The following SLC71A2 variants were observed in gnomAD, a reference collection of about 807,000 sequenced individuals.
The protein encoded by SLC71A2 is solute carrier family 71 member 2.
the SLC71A2 span, among the ~76,000 whole-genome samples, chr9:94,414,307 G>T: frequency 6.6e-6 from 1 of 152,156 alleles, no homozygotes; most frequent in South Asian, 2.1e-4. Flanking sequence ...GGGTTAACAG[G>T]TCATTGCAGT....
the SLC71A2 span, chr9:94,445,290 C>A: frequency 2.2e-6 from 2 of 903,736 alleles, no homozygotes; most frequent in African/African-American, 1.7e-5. Flanking sequence ...TGACTTATTT[C>A]TTTAGTAAAA....
chr9:94,408,263 C>G, the SLC71A2 span, among the ~76,000 whole-genome samples: 1 of 152,168 alleles, frequency 6.6e-6, no homozygotes, highest in Non-Finnish European at 1.5e-5. Context: ...AAGCGACTTT[C>G]AAGTTAGTAT....
At chr9:94,402,551 G>C in the SLC71A2 span, among the ~76,000 whole-genome samples, 2 of 151,940 alleles carry the variant, frequency 1.3e-5, no homozygotes, top group Non-Finnish European at 2.9e-5. Flanking sequence ...TTTTTTAATT[G>C]GGTTGTTGTA....
At chr9:94,413,597 T>C in the SLC71A2 span, among the ~76,000 whole-genome samples, 1 of 142,084 alleles carries the variant, frequency 7.0e-6, no homozygotes, top group East Asian at 2.0e-4. Flanking sequence ...TCCCAGCACT[T>C]TGCAGTAAGC....
the SLC71A2 span, among the ~76,000 whole-genome samples, chr9:94,378,081 C>A: frequency 1.4e-5 from 2 of 141,348 alleles, no homozygotes; most frequent in African/African-American, 5.7e-5. Flanking sequence ...TCCAGCCTGG[C>A]GACAGACTGC....
the SLC71A2 span, among the ~76,000 whole-genome samples, chr9:94,406,300 C>T: frequency 3.9e-5 from 6 of 152,134 alleles, no homozygotes; most frequent in East Asian, 3.9e-4. Flanking sequence ...GGTGCAGTGG[C>T]GCAATCTCGG....
At chr9:94,458,440 G>A in the SLC71A2 span, 1 of 1,613,968 alleles carries the variant, frequency 6.2e-7, no homozygotes, top group Non-Finnish European at 8.5e-7. Context: ...GCCCGAAATT[G>A]AATTCTAACA....
chr9:94,459,053 A>T, the SLC71A2 span: 1 of 1,177,358 alleles, frequency 8.5e-7, no homozygotes, highest in Non-Finnish European at 1.2e-6. Flanking sequence ...GCTTATGAGA[A>T]TATGATTCAC....
chr9:94,426,427 C>G, the SLC71A2 span, among the ~76,000 whole-genome samples: 1 of 152,296 alleles, frequency 6.6e-6, no homozygotes, highest in South Asian at 2.1e-4. Context: ...TGAACTTCTT[C>G]AAGGTCTTCT....
the SLC71A2 span, among the ~76,000 whole-genome samples, chr9:94,450,492 A>ATTTTTTTTTTTTTTTTTTTTTTTTTTTT: frequency 1.9e-5 from 1 of 52,506 alleles, no homozygotes; most frequent in Non-Finnish European, 3.2e-5. Context: ...AAATAATGTA[A>ATTTTTTTTTTTTTTTTTTTTTTTTTTTT]CTTTTTTTTT....
chr9:94,396,098 C>T, the SLC71A2 span, among the ~76,000 whole-genome samples: 293 of 151,852 alleles, frequency 1.9e-3, 2 homozygotes, highest in African/African-American at 6.5e-3. Context: ...AGTGAAGTAC[C>T]TGCCTCTGCT....
the SLC71A2 span, among the ~76,000 whole-genome samples, chr9:94,391,672 C>T: frequency 7.7e-4 from 115 of 149,244 alleles, no homozygotes; most frequent in African/African-American, 2.5e-3. Context: ...CGGATTGCCT[C>T]TGTTCAGGAG....
At chr9:94,456,400 G>C in the SLC71A2 span, 1 of 1,299,498 alleles carries the variant, frequency 7.7e-7, no homozygotes, top group Non-Finnish European at 1.1e-6. Context: ...CTAGAAGCAG[G>C]AGCAGCTCTG....
chr9:94,393,963 G>T, the SLC71A2 span, among the ~76,000 whole-genome samples: 1 of 108,780 alleles, frequency 9.2e-6, no homozygotes, highest in African/African-American at 3.7e-5. Context: ...ACAAATGTTT[G>T]TTGAGTGAAT....
chr9:94,455,156 C>CTTTTTTTTTTTT, the SLC71A2 span, among the ~76,000 whole-genome samples: 20 of 27,680 alleles, frequency 7.2e-4, 1 homozygote, highest in Non-Finnish European at 9.2e-4. Context: ...TTGCTCTTTC[C>CTTTTTTTTTTTT]TTTTTTTTTT....
the SLC71A2 span, among the ~76,000 whole-genome samples, chr9:94,394,920 T>TTG: frequency 7.0e-5 from 6 of 85,572 alleles, no homozygotes; most frequent in South Asian, 3.9e-4. Context: ...TTTTTGTTTT[T>TTG]TTTTTTTTTT....
At chr9:94,450,281 T>C in the SLC71A2 span, among the ~76,000 whole-genome samples, 5 of 152,188 alleles carry the variant, frequency 3.3e-5, no homozygotes, top group African/African-American at 1.2e-4. Flanking sequence ...ATCTACATTT[T>C]CCGGTTCCAG....
At chr9:94,453,893 CAG>C in the SLC71A2 span, 1 of 1,117,666 alleles carries the variant, frequency 8.9e-7, no homozygotes, top group Non-Finnish European at 1.4e-6. Flanking sequence ...TCTTCACACA[CAG>C]AGCTTGTATT....
the SLC71A2 span, among the ~76,000 whole-genome samples, chr9:94,431,596 A>T: frequency 6.6e-6 from 1 of 152,116 alleles, no homozygotes; most frequent in Non-Finnish European, 1.5e-5. Flanking sequence ...TTGAACACTT[A>T]GTACACATAA....
Sources: allele counts gnomAD v4.1 joint callset (sites outside exome capture counted in the v4.1 genomes callset), GRCh38; gene constraint gnomAD v4.1.1; transcripts MANE v1.5; gene names NCBI Gene and HGNC (gene_info 2026-07-23, HGNC 2026-07-21).